The following MKLN1 variants were observed in gnomAD, a reference collection of about 807,000 sequenced individuals.
MKLN1 encodes the protein muskelin 1, also known as muskelin.
In MKLN1, 18 loss-of-function variants were observed where a neutral mutation model predicts 99.0. The ratio of observed to expected loss-of-function variants is 0.18; its 90% CI spans 0.13 to 0.27. The LOEUF (loss-of-function observed/expected upper bound fraction) is 0.27, where lower values mean the gene tolerates loss of function less well. Ranked by LOEUF, MKLN1 falls within the 10% of genes least tolerant of loss-of-function variation. The pLI, the probability that MKLN1 is intolerant of heterozygous loss-of-function variation, is 1.00. For missense variants in MKLN1, 621 were observed against 875.9 expected, an observed-to-expected ratio of 0.71 and a Z score of 3.67; for synonymous variants, 288 against 293.2, an observed-to-expected ratio of 0.98 and a Z score of 0.18.
chr7:131,219,832 C>CA (rs974846501), intron 3 of MKLN1, among the ~76,000 whole-genome samples: 1 of 151,962 alleles, frequency 6.6e-6, no homozygotes, highest in African/African-American at 2.4e-5. Flanking sequence ...AATAGAGAGA[C>CA]AAAAAAAGTT....
At chr7:131,259,345 A>C (rs1453211751) in intron 3 of MKLN1, among the ~76,000 whole-genome samples, 1 of 152,202 alleles carries the variant, frequency 6.6e-6, no homozygotes, top group Non-Finnish European at 1.5e-5. Flanking sequence ...ATGGAGACAG[A>C]ATAGAATAGT....
chr7:131,130,374 A>G (rs1795531329), intron 1 of MKLN1, among the ~76,000 whole-genome samples: 1 of 152,200 alleles, frequency 6.6e-6, no homozygotes, highest in Admixed American at 6.5e-5. Context: ...ACGAGAGCCA[A>G]CCTGGGTTCA....
chr7:131,463,167 A>C, intron 12 of MKLN1, 50 bp from the exon 13 acceptor site: 1 of 1,400,948 alleles, frequency 7.1e-7, no homozygotes, highest in Non-Finnish European at 9.9e-7. Context: ...AGGAAATACT[A>C]ATCTATCTAA....
chr7:131,453,228 A>G (rs1283978242), intron 12 of MKLN1, among the ~76,000 whole-genome samples: 1 of 152,242 alleles, frequency 6.6e-6, no homozygotes, highest in African/African-American at 2.4e-5. Context: ...AAAAACAAAC[A>G]TGCAAGAACA....
intron 2 of MKLN1, among the ~76,000 whole-genome samples, chr7:131,198,083 CACTT>C (rs1470982711): frequency 1.3e-5 from 2 of 152,184 alleles, no homozygotes; most frequent in African/African-American, 4.8e-5. Flanking sequence ...GACTGAAAGA[CACTT>C]AGAAGGTTTT....
chr7:131,186,584 G>A (rs1204565503), intron 2 of MKLN1, among the ~76,000 whole-genome samples: 1 of 152,128 alleles, frequency 6.6e-6, no homozygotes, highest in Non-Finnish European at 1.5e-5. Flanking sequence ...CATGCAGTAG[G>A]TTCCCTCAGT....
intron 2 of MKLN1, among the ~76,000 whole-genome samples, chr7:131,384,190 G>C (rs1031463904): frequency 2.7e-5 from 4 of 150,640 alleles, no homozygotes; most frequent in African/African-American, 9.8e-5. Context: ...TGCCTGGCTG[G>C]CTCTGTGTAG....
chr7:131,133,663 T>A (rs980038860), intron 1 of MKLN1, among the ~76,000 whole-genome samples: 3 of 150,872 alleles, frequency 2.0e-5, no homozygotes, highest in African/African-American at 7.3e-5. Flanking sequence ...CTATTTTTAA[T>A]TTTTTTTATA....
chr7:131,294,016 AC>A lies in MKLN1; in HGVS notation c.-178-81405del, dbSNP rs533361801. 6.8e-3 allele frequency among the ~76,000 whole-genome samples: 1,026 copies of A among 151,866 alleles called. 12 individuals are homozygous for A. Among genetic ancestry groups the A allele is most frequent in the African/African-American group, 0.023 (969 of 41,380 alleles). ...TCTAGATACTAGATACCAGTAGCAC[AC>A]CCAGTCATGACAATCAAAAATGTCT... On this transcript the variant is annotated intron_variant, in intron 3 of 7. Transcript: ENST00000416992.
At chr7:131,480,525 C>T (rs964201199) in intron 17 of MKLN1, among the ~76,000 whole-genome samples, 1 of 152,178 alleles carries the variant, frequency 6.6e-6, no homozygotes, top group Non-Finnish European at 1.5e-5. Flanking sequence ...GTCCTAAGTT[C>T]TAACTCCAGA....
upstream of MKLN1, among the ~76,000 whole-genome samples, chr7:131,326,062 G>A (rs1245876385): frequency 6.6e-6 from 1 of 152,174 alleles, no homozygotes; most frequent in Non-Finnish European, 1.5e-5. Flanking sequence ...CAGGAACTAT[G>A]TCTGGAAAAG....
intron 2 of MKLN1, among the ~76,000 whole-genome samples, chr7:131,382,445 A>AT (rs1221114791): frequency 6.6e-6 from 1 of 151,592 alleles, no homozygotes; most frequent in Non-Finnish European, 1.5e-5. Context: ...TGATGTTACC[A>AT]TTTTTTGTAT....
intron 1 of MKLN1, among the ~76,000 whole-genome samples, chr7:131,122,345 A>G (rs1795385881): frequency 6.6e-6 from 1 of 152,064 alleles, no homozygotes. Flanking sequence ...CCTGTGTTTT[A>G]CTCTTGAGCT....
intron 2 of MKLN1, among the ~76,000 whole-genome samples, chr7:131,154,978 A>G (rs943473938): frequency 1.3e-5 from 2 of 152,182 alleles, no homozygotes; most frequent in Admixed American, 6.5e-5. Flanking sequence ...ATTAATAGTT[A>G]TAGACATTTT....
At chr7:131,370,370 G>GTT (rs76887131) in intron 1 of MKLN1, among the ~76,000 whole-genome samples, 8 of 89,018 alleles carry the variant, frequency 9.0e-5, no homozygotes, top group South Asian at 3.6e-4. Context: ...GATTTAAAGT[G>GTT]TTTTTTTTTT....
intron 3 of MKLN1, among the ~76,000 whole-genome samples, chr7:131,225,730 G>A (rs1797137364): frequency 6.6e-6 from 1 of 152,144 alleles, no homozygotes; most frequent in Admixed American, 6.5e-5. Context: ...AAGGCTCCCC[G>A]GTGGGTCTTT....
Position 131,254,120 on chromosome 7 carries a change from C to A in MKLN1, c.-179+51146C>A, listed in dbSNP as rs551097190. On this transcript the variant is annotated intron_variant, in intron 3 of 7. Transcript: ENST00000416992. ...GGCAGAGAACGTAACAGAGAGAGAG[C>A]AGGGAAAGAGACAGTCAAAGAGAGC... 7.2e-5 allele frequency among the ~76,000 whole-genome samples: 11 copies of A among 152,226 alleles called. No homozygotes were observed. The South Asian group carries it at 2.3e-3, about 32-fold the overall frequency.
intron 2 of MKLN1, 105 bp from the exon 3 acceptor site, chr7:131,387,005 CAGGATGGACA>C (rs1794049569): frequency 6.5e-6 from 6 of 925,068 alleles, no homozygotes; most frequent in Non-Finnish European, 7.9e-6. Flanking sequence ...TCTGCTAGTA[CAGGATGGACA>C]AGGATGGACC....
At chr7:131,171,742 G>A (rs574285181) in intron 2 of MKLN1, among the ~76,000 whole-genome samples, 112 of 152,304 alleles carry the variant, frequency 7.4e-4, no homozygotes, top group African/African-American at 2.5e-3. Context: ...ACAGGCATGA[G>A]CCACCTCGCC....
Sources: allele counts gnomAD v4.1 joint callset (sites outside exome capture counted in the v4.1 genomes callset), GRCh38; gene constraint gnomAD v4.1.1; transcripts MANE v1.5; gene names NCBI Gene and HGNC (gene_info 2026-07-23, HGNC 2026-07-21).